BEAN1: variants seen among roughly 807,000 people sequenced by gnomAD.
The protein encoded by BEAN1 is brain expressed associated with NEDD4 1, also known as protein BEAN1.
A neutral mutation model predicts 17.7 loss-of-function variants in BEAN1; 17 were observed. The observed-to-expected ratio is 0.96, with a 90% confidence interval of 0.66 to 1.44. BEAN1 has a LOEUF of 1.44. Among genes scored for constraint, BEAN1 ranks in the 40% most tolerant of loss-of-function variants. The pLI is 0.00. For missense variants in BEAN1, 359 were observed against 374.1 expected (o/e 0.96, Z 0.33); for synonymous variants, 142 against 151.8 (o/e 0.94, Z 0.47).
chr16:66,455,322 T>C (rs1163404197), intron 2 of BEAN1, among the ~76,000 whole-genome samples: 1 of 152,214 alleles, frequency 6.6e-6, no homozygotes, highest in African/African-American at 2.4e-5. Context: ...CAGCAAGTAA[T>C]GTAATGGTGA....
At chr16:66,445,318 T>C (rs994930939) in intron 2 of BEAN1, among the ~76,000 whole-genome samples, 2 of 149,438 alleles carry the variant, frequency 1.3e-5, no homozygotes, top group Admixed American at 6.7e-5. Flanking sequence ...CTACTAAAAA[T>C]ACAAAAAATT....
chr16:66,442,929 G>A (rs1010205417), intron 2 of BEAN1, among the ~76,000 whole-genome samples: 4 of 152,132 alleles, frequency 2.6e-5, no homozygotes, highest in African/African-American at 7.2e-5. Flanking sequence ...GGTGTTTTTC[G>A]CTCTGCTCAT....
intron 2 of BEAN1, among the ~76,000 whole-genome samples, chr16:66,448,098 C>A (rs572739661): frequency 6.6e-6 from 1 of 152,304 alleles, no homozygotes; most frequent in Admixed American, 6.5e-5. Context: ...CAAAACTTTC[C>A]CCTCCTGCCT....
At chr16:66,429,558 T>C (rs1032967635) in intron 1 of BEAN1, among the ~76,000 whole-genome samples, 9 of 152,270 alleles carry the variant, frequency 5.9e-5, no homozygotes, top group African/African-American at 2.2e-4. Context: ...CTGGCCCAGC[T>C]GCCCAGAACA....
In BEAN1 at chr16:66,480,645, C is replaced by A; in HGVS notation, c.500C>A (p.Pro167Gln). The change falls in exon 5 of 5, where the codon CCA (proline) becomes CAA (glutamine). Residue 167 changes from proline (P) to glutamine (Q), a missense_variant. Transcript: ENST00000536005. ...CTGTATGTCCCCACGGACGCACCACCACCCTACTCGCTGACTGATTCCTGC... is the reference window on the plus strand; with the variant it reads ...CTGTATGTCCCCACGGACGCACCACAACCCTACTCGCTGACTGATTCCTGC... The part of the protein sequence containing the change: ...TQLYVPTDAP[P>Q]PYSLTDSCPT... 6.4e-7 allele frequency: 1 copy of A among 1,551,508 alleles called. No individual in the cohort carries two copies. The highest frequency in any genetic ancestry group is 1.2e-5 in the South Asian group (1 of 84,048).
intron 3 of BEAN1, among the ~76,000 whole-genome samples, chr16:66,477,218 T>C (rs1176090761): frequency 6.6e-6 from 1 of 152,158 alleles, no homozygotes; most frequent in Non-Finnish European, 1.5e-5. Flanking sequence ...ACTTCCAGAC[T>C]GGTCAGGCCT....
intron 1 of BEAN1, among the ~76,000 whole-genome samples, chr16:66,435,921 G>A (rs1961997104): frequency 6.6e-6 from 1 of 152,126 alleles, no homozygotes; most frequent in Admixed American, 6.5e-5. Flanking sequence ...GAGCCTTGGT[G>A]TCCTCATATT....
At chr16:66,493,606 GGGTGAGGT>G, downstream of BEAN1, 1 of 538,896 alleles carries the variant, frequency 1.9e-6, no homozygotes, top group Non-Finnish European at 3.3e-6. Context: ...GCCCTTCATC[GGGTGAGGT>G]GGTCACCGCC....
intron 4 of BEAN1, among the ~76,000 whole-genome samples, chr16:66,479,328 G>T (rs532137708): frequency 6.6e-6 from 1 of 152,208 alleles, no homozygotes; most frequent in South Asian, 2.1e-4. Flanking sequence ...TGCCCTGGGG[G>T]TGCCTGGGAG....
rs771770615 is a variant in BEAN1, at chr16:66,477,593, G to T, written c.323G>T (p.Arg108Leu). The change falls in exon 4 of 5, where the codon CGC becomes CTC. Residue 108 changes from arginine (R) to leucine (L), a missense_variant. By Grantham distance (102) the Arg-to-Leu change is moderately radical. Coordinates refer to ENST00000536005, the MANE Select transcript of BEAN1 (RefSeq NM_001178020.3). ...GAGCACACATACAGCCGCTCAAGCC[G>T]CAGGATGCGCTATGCCTGCAGCTCC... ...SDEHTYSRSS[R>L]RMRYACSSSE... 1 of 1,549,420 alleles carries T rather than the reference G, an allele frequency of 6.5e-7. No individual in the cohort carries two copies. The highest frequency in any genetic ancestry group is 8.7e-7 in the Non-Finnish European group (1 of 1,146,350).
At chr16:66,485,885 T>A (rs1429271412), downstream of BEAN1, 1 of 152,328 alleles carries the variant, frequency 6.6e-6, no homozygotes, top group Non-Finnish European at 1.5e-5. Flanking sequence ...TGAGCCTCAT[T>A]ATCCAACTGC....
intron 1 of BEAN1, among the ~76,000 whole-genome samples, chr16:66,435,963 G>A (rs183744752): frequency 6.6e-6 from 1 of 152,166 alleles, no homozygotes; most frequent in Admixed American, 6.5e-5. Flanking sequence ...GGGATGGCAA[G>A]CCTCAATTTG....
At chr16:66,450,676 C>T (rs1962639675) in intron 2 of BEAN1, among the ~76,000 whole-genome samples, 1 of 152,062 alleles carries the variant, frequency 6.6e-6, no homozygotes, top group Non-Finnish European at 1.5e-5. Flanking sequence ...TATGATTGTG[C>T]CACTGTACTC....
At chr16:66,492,947 C>T in intron 4 of BEAN1, 1 of 700,404 alleles carries the variant, frequency 1.4e-6, no homozygotes, top group South Asian at 1.5e-5. Flanking sequence ...TAACAAGCTC[C>T]CTTGTCTGTT....
chr16:66,440,123 C>CT (rs386384954), intron 2 of BEAN1, among the ~76,000 whole-genome samples: 1,023 of 75,238 alleles, frequency 0.014, 12 homozygotes, highest in Middle Eastern at 0.017. Flanking sequence ...TTGGGTACTT[C>CT]TTTTTTTTTT....
Position 66,480,995 on chromosome 16 carries a change from GCACA to G in BEAN1, c.*79_*82del. Reference sequence around the variant, plus strand: ...ACATTCTTTAGGCACACAAAGGCGTGCACACACACACAGAGATGCACACGTGACT... The same window carrying G: ...ACATTCTTTAGGCACACAAAGGCGTGCACACACAGAGATGCACACGTGACT... On this transcript the variant is annotated 3_prime_UTR_variant, in exon 5 of 5. Transcript: ENST00000536005. The G allele has an allele frequency of 8.0e-7, 1 of 1,254,410 alleles. No individual in the cohort carries two copies. Among genetic ancestry groups the G allele is most frequent in the Non-Finnish European group, 1.1e-6 (1 of 934,650 alleles). 77.7% of individuals were successfully genotyped at this position (1,254,410 alleles called of 1,614,324 possible). A position where few individuals can be genotyped will look rare whatever the true frequency, so the allele number is the denominator to read the frequency against.
chr16:66,461,554 G>A (rs1231067775), intron 2 of BEAN1, among the ~76,000 whole-genome samples: 1 of 149,266 alleles, frequency 6.7e-6, no homozygotes, highest in Non-Finnish European at 1.5e-5. Context: ...GTGCTGTGCA[G>A]GGCAGGCAGG....
intron 1 of BEAN1, among the ~76,000 whole-genome samples, chr16:66,435,969 A>G (rs1961998976): frequency 6.6e-6 from 1 of 151,856 alleles, no homozygotes; most frequent in Admixed American, 6.6e-5. Context: ...GCAAGCCTCA[A>G]TTTGCTTTAG....
chr16:66,449,542 T>G lies in BEAN1; in HGVS notation c.25+11841T>G, dbSNP rs149786411. On this transcript the variant is annotated intron_variant, in intron 2 of 4. Transcript: ENST00000536005. The stretch of plus-strand genomic sequence containing the variant: ...GAATCTCTTGAACCCAGGAGGCAGA[T>G]GTTGCAGTGAGCCGGTATCGCACCA... 1.4e-3 allele frequency among the ~76,000 whole-genome samples: 206 copies of G among 143,164 alleles called. 3 individuals carry two copies. The East Asian group carries it at 0.037, about 26-fold the overall frequency. The allele number at this position is 143,164 out of a possible 152,430, so 93.9% of individuals were successfully genotyped here.
Sources: gnomAD v4.1 joint callset for allele counts (sites outside exome capture counted in the v4.1 genomes callset) on GRCh38, gnomAD v4.1.1 for gene constraint, MANE v1.5 for transcripts, NCBI Gene and HGNC (gene_info 2026-07-23, HGNC 2026-07-21) for gene names.